The following UBE4B variants were observed in gnomAD, a reference collection of about 807,000 sequenced individuals.
UBE4B encodes the protein ubiquitin conjugation factor E4 B.
In UBE4B, 27 loss-of-function variants were observed where a neutral mutation model predicts 148.1. The observed-to-expected ratio is 0.18, with a 90% confidence interval of 0.13 to 0.25. UBE4B has a LOEUF of 0.25. UBE4B is among the 10% of genes least tolerant of loss of function. UBE4B has a pLI of 1.00. For synonymous variants in UBE4B, 596 were observed against 619.3 expected (o/e 0.96, Z 0.56); for missense variants, 1,170 against 1,662.4 (o/e 0.70, Z 5.15).
intron 25 of UBE4B, among the ~76,000 whole-genome samples, chr1:10,177,461 G>C (rs1160275032): frequency 6.6e-6 from 1 of 152,170 alleles, no homozygotes; most frequent in East Asian, 1.9e-4. Flanking sequence ...CTGCACTCCA[G>C]CCTGGGTGAC....
chr1:10,177,662 T>C (rs1646447628), intron 25 of UBE4B, among the ~76,000 whole-genome samples: 2 of 151,572 alleles, frequency 1.3e-5, no homozygotes, highest in Admixed American at 6.6e-5. Context: ...TCTCAAAATA[T>C]ATATATATAT....
chr1:10,070,053 T>C (rs968083297), intron 1 of UBE4B, among the ~76,000 whole-genome samples: 9 of 151,972 alleles, frequency 5.9e-5, no homozygotes, highest in African/African-American at 1.9e-4. Context: ...GGTGGAAGGA[T>C]TGTTTGAGCC....
At position 10,168,333 on chromosome 1, in the gene UBE4B, T is replaced by C. The variant is rs917332389; in HGVS notation, c.3333+63T>C. The C allele has an allele frequency of 1.4e-5, 22 of 1,575,758 alleles. No individual in the cohort carries two copies. The highest frequency in any genetic ancestry group is 4.6e-5 in the South Asian group (4 of 86,346). ...CTCCACATTCAGACTCTCTCACTTA[T>C]AACTTTAGCAGTTGTTGAAGTTCTG... On this transcript the variant is annotated intron_variant, in intron 24 of 27. Transcript: ENST00000343090. The surrounding 1 kb of genome is among the most constrained non-coding windows in gnomAD (Gnocchi z 4.9).
At position 10,106,532 on chromosome 1, in the gene UBE4B, C is replaced by G. The variant is rs1188169792; in HGVS notation, c.1145C>G (p.Ala382Gly). 6.2e-7 allele frequency: 1 copy of G among 1,603,744 alleles called. No homozygotes were observed. The highest frequency in any genetic ancestry group is 1.3e-5 in the African/African-American group (1 of 74,710). ...AGCACGGGTCCACCCCTACCACCCG[C>G]CTCACCCAGTGCCACGAGCAGACGC... is the stretch of plus-strand genomic sequence containing the variant. ...PSSTGPPLPP[A>G]SPSATSRRPS... Residue 382 changes from alanine (A) to glycine (G), a missense_variant, in exon 7 of 28, where the codon GCC (alanine) becomes GGC (glycine). Physicochemically the swap from Ala to Gly is moderately conservative, Grantham distance 60. Transcript: ENST00000343090. The surrounding 1 kb of genome is among the most constrained non-coding windows in gnomAD (Gnocchi z 4.2).
In UBE4B at chr1:10,103,041, G is replaced by T; in HGVS notation, c.529G>T (p.Val177Phe). ...RVSWKDRDRD[V>F]IFLSSLSAQF... is the part of the protein sequence containing the mutation. ...CTCTTGGAAGGACCGGGACAGAGAT[G>T]TCATCTTTCTTTCTTCTCTTTCTGC... Residue 177 changes from valine to phenylalanine, a missense_variant, in exon 5 of 28, where the codon GTC (valine) becomes TTC (phenylalanine). Around this residue, in one of 6 missense-constraint regions of UBE4B, gnomAD observed 91 missense variants for 120.5 expected, o/e 0.76. Coordinates refer to ENST00000343090, the MANE Select transcript of UBE4B (RefSeq NM_001105562.3). The T allele has an allele frequency of 6.2e-7, 1 of 1,613,182 alleles. No homozygotes were observed. The highest frequency in any genetic ancestry group is 8.5e-7 in the Non-Finnish European group (1 of 1,179,674).
chr1:10,065,629 G>C (rs997982234), intron 1 of UBE4B, among the ~76,000 whole-genome samples: 3 of 152,186 alleles, frequency 2.0e-5, no homozygotes, highest in Non-Finnish European at 4.4e-5. Flanking sequence ...GTTCCCATTA[G>C]AGGCTGCTCT....
Position 10,155,096 on chromosome 1 carries a change from T to A in UBE4B, c.2927-3260T>A, listed in dbSNP as rs1266003876. ...GAGAGAGAGAGAGAGTGTGTGTGTG[T>A]GTGTGTGTGTGTGTTTGTGTATTTG... is the stretch of plus-strand genomic sequence containing the variant. On this transcript the variant is annotated intron_variant, in intron 21 of 27. Coordinates refer to ENST00000343090, the MANE Select transcript of UBE4B (RefSeq NM_001105562.3). Among the ~76,000 whole-genome samples, 14 of 137,272 alleles carry A rather than the reference T, an allele frequency of 1.0e-4. No homozygotes were observed. In the East Asian group the frequency reaches 2.8e-3, roughly 27 times the overall value. 90.1% of individuals were successfully genotyped at this position (137,272 alleles called of 152,430 possible). A position where few individuals can be genotyped will look rare whatever the true frequency, so the allele number is the denominator to read the frequency against.
intron 1 of UBE4B, among the ~76,000 whole-genome samples, chr1:10,043,132 C>T (rs1026083072): frequency 1.3e-5 from 2 of 151,762 alleles, no homozygotes; most frequent in African/African-American, 4.8e-5. Flanking sequence ...GTCTCAGCTT[C>T]CCAAGTAGCT....
At position 10,151,392 on chromosome 1, in the gene UBE4B, G is replaced by A. The variant is rs2101988235; in HGVS notation, c.2757G>A (p.Leu919=). ...QDIVMFLVVM[L]CNQNYIRNPY... ...TTGTGATGTTCCTTGTTGTGATGTT[G>A]TGCAACCAGAACTACATCCGAAACC... is the stretch of plus-strand genomic sequence containing the variant. Residue 919 remains leucine, a synonymous_variant, in exon 21 of 28, where the codon TTG becomes TTA. Coordinates refer to ENST00000343090, the MANE Select transcript of UBE4B (RefSeq NM_001105562.3). The A allele has an allele frequency of 2.5e-6, 4 of 1,614,098 alleles. No individual in the cohort carries two copies. The highest frequency in any genetic ancestry group is 3.4e-6 in the Non-Finnish European group (4 of 1,180,030).
chr1:10,130,263 C>A (rs1570945528), intron 12 of UBE4B, among the ~76,000 whole-genome samples: 2 of 151,488 alleles, frequency 1.3e-5, no homozygotes, highest in African/African-American at 4.9e-5. Context: ...TTAGTAGAGA[C>A]GGGGTTTCTC....
chr1:10,071,245 C>A (rs1644479389), intron 1 of UBE4B, among the ~76,000 whole-genome samples: 1 of 152,072 alleles, frequency 6.6e-6, no homozygotes, highest in Non-Finnish European at 1.5e-5. Flanking sequence ...TTTGAAATGA[C>A]CAAGTTAGGT....
At chr1:10,083,618 G>A (rs1359090886) in intron 2 of UBE4B, among the ~76,000 whole-genome samples, 1 of 152,090 alleles carries the variant, frequency 6.6e-6, no homozygotes, top group Non-Finnish European at 1.5e-5. Context: ...GAATTCGAGG[G>A]TGGTTAAGCA....
chr1:10,147,887 G>A (rs1373238845), intron 19 of UBE4B, among the ~76,000 whole-genome samples: 3 of 152,052 alleles, frequency 2.0e-5, no homozygotes, highest in Non-Finnish European at 4.4e-5. Context: ...CACTGATGTT[G>A]GTGAGATTGG....
rs189019024 is a variant in UBE4B at position 10,083,808 on chromosome 1, G to A, written c.211+11594G>A. On this transcript the variant is annotated intron_variant, in intron 2 of 27. Coordinates refer to ENST00000343090, the MANE Select transcript of UBE4B (RefSeq NM_001105562.3). ...CCTATGCTGGCATGGGTACTTCCTC[G>A]AATTGGACTGGCCTTCGGGCCCCCA... Among the ~76,000 whole-genome samples, 5 of 152,242 alleles carry A rather than the reference G, an allele frequency of 3.3e-5. No homozygotes were observed. In the East Asian group the frequency reaches 9.6e-4, roughly 29 times the overall value.
intron 2 of UBE4B, 125 bp from the exon 3 acceptor site, chr1:10,095,336 A>G (rs1474356325): frequency 1.8e-6 from 2 of 1,118,382 alleles, no homozygotes; most frequent in Non-Finnish European, 2.5e-6. Context: ...CTTCTGATAG[A>G]AATTCCTCGG....
chr1:10,138,711 A>G (rs967180360), intron 17 of UBE4B, among the ~76,000 whole-genome samples: 2 of 151,934 alleles, frequency 1.3e-5, no homozygotes, highest in Non-Finnish European at 2.9e-5. Context: ...TGAAATTTCC[A>G]TCTTGTTTCA....
intron 7 of UBE4B, among the ~76,000 whole-genome samples, chr1:10,114,720 T>C (rs1441913973): frequency 2.0e-5 from 3 of 152,014 alleles, no homozygotes; most frequent in Non-Finnish European, 4.4e-5. Flanking sequence ...AAAAATTAGC[T>C]GTACATGGTG....
intron 16 of UBE4B, among the ~76,000 whole-genome samples, chr1:10,136,702 C>T (rs1276687072): frequency 1.3e-5 from 2 of 152,030 alleles, no homozygotes; most frequent in Admixed American, 6.6e-5. Context: ...GGTAGATTGC[C>T]TGAGGTCAGG....
chr1:10,163,228 G>T (rs1233571126), intron 23 of UBE4B: 1 of 151,998 alleles, frequency 6.6e-6, no homozygotes, highest in Non-Finnish European at 1.5e-5. Flanking sequence ...ACCACGCTTG[G>T]CTAATTAAAA....
Sources: allele counts gnomAD v4.1 joint callset (sites outside exome capture counted in the v4.1 genomes callset), GRCh38; gene constraint gnomAD v4.1.1; regional missense constraint gnomAD v4.1.1; non-coding constraint Gnocchi (gnomAD v3.1); transcripts MANE v1.5; gene names NCBI Gene and HGNC (gene_info 2026-07-23, HGNC 2026-07-21).